Variants in GNA12 observed in about 807,000 individuals in gnomAD.
The protein encoded by GNA12 is G protein subunit alpha 12.
In GNA12, 9 loss-of-function variants were observed where a neutral mutation model predicts 26.0. That is an observed-to-expected ratio of 0.35 (90% confidence interval 0.21 to 0.60). The LOEUF (loss-of-function observed/expected upper bound fraction) is 0.60. GNA12 is among the 20% of genes least tolerant of loss of function. The pLI is 0.78. For synonymous variants in GNA12, 264 were observed against 219.6 expected (o/e 1.20, Z -1.79); for missense variants, 405 against 525.8 (o/e 0.77, Z 2.25).
At chr7:2,779,936 AT>A (rs2040539990) in intron 2 of GNA12, among the ~76,000 whole-genome samples, 1 of 151,756 alleles carries the variant, frequency 6.6e-6, no homozygotes, top group Non-Finnish European at 1.5e-5. Flanking sequence ...AATAAAAATA[AT>A]TTAGAAAGTG....
chr7:2,758,864 G>A (rs576698186), intron 2 of GNA12, among the ~76,000 whole-genome samples: 1 of 152,332 alleles, frequency 6.6e-6, no homozygotes, highest in South Asian at 2.1e-4. Flanking sequence ...ATGGGTCTCT[G>A]CTGGGCGCGG....
Position 2,732,413 on chromosome 7 carries a change from G to A in GNA12, c.577-663C>T, listed in dbSNP as rs567143053. Reference sequence around the variant, plus strand: ...AGTAAAAACATTAGCTGGGCGTGGTGCCTCATGCTATAGTCCCAGCTACTT... The same window carrying A: ...AGTAAAAACATTAGCTGGGCGTGGTACCTCATGCTATAGTCCCAGCTACTT... On this transcript the variant is annotated intron_variant, in intron 3 of 3. Transcript: ENST00000275364. Among the ~76,000 whole-genome samples the A allele has an allele frequency of 1.7e-3, 264 of 152,282 alleles. 1 individual carries two copies. The highest frequency in any genetic ancestry group is 3.4e-3 in the Admixed American group (52 of 15,282).
chr7:2,778,916 C>G (rs746073444), intron 2 of GNA12, among the ~76,000 whole-genome samples: 3 of 152,252 alleles, frequency 2.0e-5, no homozygotes, highest in Admixed American at 6.5e-5. Flanking sequence ...ATACTACCAC[C>G]CTTTGAAACT....
chr7:2,808,877 A>G (rs1054699039), intron 1 of GNA12, among the ~76,000 whole-genome samples: 9 of 152,178 alleles, frequency 5.9e-5, no homozygotes, highest in Admixed American at 2.0e-4. Flanking sequence ...ATTCATGGCA[A>G]AAACTCAGGT....
chr7:2,838,035 T>C (rs540460952), intron 1 of GNA12, among the ~76,000 whole-genome samples: 1 of 152,132 alleles, frequency 6.6e-6, no homozygotes, highest in African/African-American at 2.4e-5. Flanking sequence ...GTAAAGTTTC[T>C]ACACTTAAAG....
At position 2,728,775 on chromosome 7, in the gene GNA12, C is replaced by T. The variant is rs1441701276; in HGVS notation, c.*2406G>A. 1.3e-5 allele frequency: 2 copies of T among 152,376 alleles called. No individual in the cohort carries two copies. Among genetic ancestry groups the T allele is most frequent in the Non-Finnish European group, 2.9e-5 (2 of 68,030 alleles). The allele number at this position is 152,376 out of a possible 1,614,324, so 9.4% of individuals were successfully genotyped here. ...AGCCTTGCAGAGTTTCCTTCTTCTCCAATTACAATGTGTTACAGAATTTGG... is the reference window on the plus strand; with the variant it reads ...AGCCTTGCAGAGTTTCCTTCTTCTCTAATTACAATGTGTTACAGAATTTGG... On this transcript the variant is annotated 3_prime_UTR_variant, in exon 4 of 4. Coordinates refer to ENST00000275364, the MANE Select transcript of GNA12 (RefSeq NM_007353.3).
At chr7:2,777,130 G>C (rs749655813) in intron 2 of GNA12, among the ~76,000 whole-genome samples, 56 of 152,260 alleles carry the variant, frequency 3.7e-4, no homozygotes, top group Non-Finnish European at 6.9e-4. Context: ...AGTGGACTGA[G>C]GGGAGACACT....
At chr7:2,789,859 A>AGAAGCCCAGG (rs1342406599) in intron 2 of GNA12, among the ~76,000 whole-genome samples, 1 of 152,236 alleles carries the variant, frequency 6.6e-6, no homozygotes, top group Non-Finnish European at 1.5e-5. Flanking sequence ...ACCAGCACAG[A>AGAAGCCCAGG]GAAGCCCAGG....
At chr7:2,790,390 A>T (rs905630063) in intron 2 of GNA12, among the ~76,000 whole-genome samples, 1 of 152,176 alleles carries the variant, frequency 6.6e-6, no homozygotes, top group Non-Finnish European at 1.5e-5. Context: ...AGCTGGAACT[A>T]CAGGCGCGCA....
intron 2 of GNA12, among the ~76,000 whole-genome samples, chr7:2,780,116 A>G (rs769533531): frequency 1.5e-5 from 2 of 135,696 alleles, no homozygotes; most frequent in Non-Finnish European, 3.2e-5. Context: ...TTCTAAACAG[A>G]AACAGGATAT....
At chr7:2,795,176 T>C (rs1242423650) in intron 1 of GNA12, 33 bp from the exon 2 acceptor site, 4 of 1,544,728 alleles carry the variant, frequency 2.6e-6, no homozygotes, top group East Asian at 2.2e-5. Flanking sequence ...GAGGATTTAA[T>C]TGCATTCCAA....
intron 2 of GNA12, among the ~76,000 whole-genome samples, chr7:2,771,940 G>C (rs1202998494): frequency 1.3e-5 from 2 of 152,088 alleles, no homozygotes; most frequent in African/African-American, 4.8e-5. Context: ...ACTGTGCCTT[G>C]GGTGGTCGCC....
At chr7:2,751,161 G>A (rs1222368475) in intron 2 of GNA12, among the ~76,000 whole-genome samples, 2 of 152,132 alleles carry the variant, frequency 1.3e-5, no homozygotes, top group Non-Finnish European at 2.9e-5. Flanking sequence ...GCTGAGGCAG[G>A]TGGACTGGTT....
intron 1 of GNA12, among the ~76,000 whole-genome samples, chr7:2,834,104 T>G (rs1778760448): frequency 6.6e-6 from 1 of 152,224 alleles, no homozygotes; most frequent in South Asian, 2.1e-4. Context: ...GACCCACAGC[T>G]TTCAGCTAGA....
chr7:2,781,787 A>G (rs1792236786), intron 2 of GNA12, among the ~76,000 whole-genome samples: 1 of 152,202 alleles, frequency 6.6e-6, no homozygotes, highest in East Asian at 1.9e-4. Flanking sequence ...GAGCAAGTCC[A>G]TGTTATTCTT....
At chr7:2,809,822 C>T (rs1011003813) in intron 1 of GNA12, among the ~76,000 whole-genome samples, 2 of 152,054 alleles carry the variant, frequency 1.3e-5, no homozygotes, top group Non-Finnish European at 2.9e-5. Flanking sequence ...GTAAATATTA[C>T]TTAGTAATAA....
chr7:2,787,822 G>A (rs1792402635), intron 2 of GNA12, among the ~76,000 whole-genome samples: 1 of 152,196 alleles, frequency 6.6e-6, no homozygotes, highest in South Asian at 2.1e-4. Flanking sequence ...GTCCAGATTT[G>A]TGGTCATCTT....
intron 1 of GNA12, among the ~76,000 whole-genome samples, chr7:2,813,419 C>G (rs1407684486): frequency 6.6e-6 from 1 of 152,220 alleles, no homozygotes; most frequent in Non-Finnish European, 1.5e-5. Flanking sequence ...CCTACCTCCC[C>G]TTCCCCAGAG....
chr7:2,751,145 T>C (rs1791015399), intron 2 of GNA12, among the ~76,000 whole-genome samples: 1 of 152,058 alleles, frequency 6.6e-6, no homozygotes, highest in African/African-American at 2.4e-5. Context: ...CCCAGCACTT[T>C]AGGAGGCTGA....
Sources: gnomAD v4.1 joint callset for allele counts (sites outside exome capture counted in the v4.1 genomes callset) on GRCh38, gnomAD v4.1.1 for gene constraint, MANE v1.5 for transcripts, NCBI Gene and HGNC (gene_info 2026-07-23, HGNC 2026-07-21) for gene names.